MACROD2: variants seen among roughly 807,000 people sequenced by gnomAD.
MACROD2 encodes the protein ADP-ribose glycohydrolase MACROD2.
Under a neutral mutation model 70.4 loss-of-function variants are expected in MACROD2, and 36 were observed. That is an observed-to-expected ratio of 0.51 (90% CI 0.39 to 0.68). The LOEUF is 0.68. MACROD2 is among the 30% of genes least tolerant of loss of function. The pLI is 0.00. For synonymous variants in MACROD2, 172 were observed against 178.8 expected (o/e 0.96, Z 0.30); for missense variants, 496 against 538.4 (o/e 0.92, Z 0.78).
At chr20:15,774,109 G>A (rs1051307353) in intron 8 of MACROD2, among the ~76,000 whole-genome samples, 18 of 152,092 alleles carry the variant, frequency 1.2e-4, no homozygotes, top group African/African-American at 4.1e-4. Flanking sequence ...GAGGTCAAAG[G>A]ATTCTGCCAT....
intron 5 of MACROD2, among the ~76,000 whole-genome samples, chr20:14,735,658 G>A (rs2071655405): frequency 6.6e-6 from 1 of 151,978 alleles, no homozygotes; most frequent in Non-Finnish European, 1.5e-5. Flanking sequence ...GACCAGCCTG[G>A]ACAATGTGGC....
intron 2 of MACROD2, among the ~76,000 whole-genome samples, chr20:14,033,998 G>A (rs1450443256): frequency 6.6e-6 from 1 of 150,774 alleles, no homozygotes. Context: ...TTGAGATGGA[G>A]TCTCGCTCTG....
intron 5 of MACROD2, among the ~76,000 whole-genome samples, chr20:14,823,237 A>T (rs2072867064): frequency 6.6e-6 from 1 of 152,136 alleles, no homozygotes; most frequent in African/African-American, 2.4e-5. Context: ...TCTTCTTCAG[A>T]AATATTTTCT....
chr20:15,685,914 T>C (rs2050218760), intron 8 of MACROD2, among the ~76,000 whole-genome samples: 1 of 152,202 alleles, frequency 6.6e-6, no homozygotes, highest in Non-Finnish European at 1.5e-5. Context: ...TTTCCTCCTA[T>C]AGACTGTTGG....
intron 5 of MACROD2, among the ~76,000 whole-genome samples, chr20:15,228,647 G>A (rs543654967): frequency 2.6e-5 from 4 of 151,638 alleles, no homozygotes; most frequent in African/African-American, 7.3e-5. Flanking sequence ...ACACCACCAC[G>A]CCTGGCTAAT....
At chr20:15,548,553 G>A (rs937812926) in intron 8 of MACROD2, among the ~76,000 whole-genome samples, 1 of 151,966 alleles carries the variant, frequency 6.6e-6, no homozygotes, top group Non-Finnish European at 1.5e-5. Flanking sequence ...CTGCCACCAC[G>A]CCTGGCTAAT....
chr20:15,599,329 T>C (rs1359881585), intron 8 of MACROD2, among the ~76,000 whole-genome samples: 1 of 151,696 alleles, frequency 6.6e-6, no homozygotes, highest in Non-Finnish European at 1.5e-5. Flanking sequence ...GAGGCAGAGG[T>C]TGCAGTGAGC....
chr20:15,435,739 CT>C (rs1223547851), intron 7 of MACROD2, among the ~76,000 whole-genome samples: 2 of 152,124 alleles, frequency 1.3e-5, no homozygotes, highest in Non-Finnish European at 2.9e-5. Flanking sequence ...CCATTTTAAT[CT>C]GTGAAGAATA....
intron 13 of MACROD2, among the ~76,000 whole-genome samples, chr20:15,978,934 T>C (rs996923805): frequency 3.3e-5 from 5 of 152,222 alleles, no homozygotes; most frequent in Non-Finnish European, 7.3e-5. Context: ...GGTTTTTATA[T>C]TCAATGATCA....
intron 2 of MACROD2, chr20:14,003,843 G>T (rs553079831): frequency 2.2e-4 from 63 of 285,782 alleles, no homozygotes; most frequent in Middle Eastern, 1.3e-3. Context: ...GTAATGAAAA[G>T]AATACAGGGC....
At chr20:15,936,879 T>G (rs958271358) in intron 11 of MACROD2, among the ~76,000 whole-genome samples, 2 of 152,074 alleles carry the variant, frequency 1.3e-5, no homozygotes, top group Non-Finnish European at 1.5e-5. Flanking sequence ...ATTGTTGCTG[T>G]GAGGGGAACA....
chr20:14,013,812 C>T (rs375416960), intron 2 of MACROD2, among the ~76,000 whole-genome samples: 4 of 150,568 alleles, frequency 2.7e-5, no homozygotes, highest in South Asian at 2.1e-4. Context: ...CCTCCCGAGT[C>T]GCTGGGGTTA....
chr20:15,188,889 G>A (rs1397301448), intron 5 of MACROD2, among the ~76,000 whole-genome samples: 1 of 152,080 alleles, frequency 6.6e-6, no homozygotes, highest in African/African-American at 2.4e-5. Flanking sequence ...CTATAACTCA[G>A]CTAAAGTTAC....
At chr20:14,106,585 G>A (rs1015365432) in intron 3 of MACROD2, among the ~76,000 whole-genome samples, 1 of 152,142 alleles carries the variant, frequency 6.6e-6, no homozygotes, top group African/African-American at 2.4e-5. Context: ...ATGAACATAG[G>A]TGGTAGCCAG....
chr20:15,732,786 T>C (rs1263915169), intron 8 of MACROD2, among the ~76,000 whole-genome samples: 1 of 151,196 alleles, frequency 6.6e-6, no homozygotes, highest in Non-Finnish European at 1.5e-5. Context: ...GGGTTTGATA[T>C]TAGGATAATT....
intron 8 of MACROD2, among the ~76,000 whole-genome samples, chr20:15,822,743 T>C (rs906127433): frequency 1.3e-5 from 2 of 152,186 alleles, no homozygotes; most frequent in African/African-American, 2.4e-5. Flanking sequence ...TCACATGGAA[T>C]ATTCAATCTG....
intron 7 of MACROD2, among the ~76,000 whole-genome samples, chr20:15,472,682 T>A (rs1372371521): frequency 6.6e-6 from 1 of 152,196 alleles, no homozygotes; most frequent in Non-Finnish European, 1.5e-5. Flanking sequence ...CCCCTCTTGC[T>A]ATCATCCAAG....
chr20:14,937,476 T>C (rs1369481339), intron 5 of MACROD2, among the ~76,000 whole-genome samples: 2 of 152,140 alleles, frequency 1.3e-5, no homozygotes, highest in Non-Finnish European at 1.5e-5. Context: ...AAACAAAGAC[T>C]TATCTTATCA....
chr20:14,739,835 ATGT>A (rs2071712154), intron 5 of MACROD2, among the ~76,000 whole-genome samples: 1 of 152,084 alleles, frequency 6.6e-6, no homozygotes, highest in South Asian at 2.1e-4. Context: ...AGTTAAAATG[ATGT>A]TGTAAAATAA....
Sources: gnomAD v4.1 joint callset for allele counts (sites outside exome capture counted in the v4.1 genomes callset) on GRCh38, gnomAD v4.1.1 for gene constraint, MANE v1.5 for transcripts, NCBI Gene and HGNC (gene_info 2026-07-23, HGNC 2026-07-21) for gene names.